CADPS: variants seen among roughly 807,000 people sequenced by gnomAD.
CADPS encodes the protein calcium-dependent secretion activator 1.
CADPS carries 57 observed loss-of-function variants against 167.3 expected under a neutral mutation model. The ratio of observed to expected loss-of-function variants is 0.34; its 90% CI spans 0.28 to 0.42. CADPS has a LOEUF of 0.42. Among genes scored for constraint, CADPS ranks in the 20% least tolerant of loss-of-function variants. The pLI is 1.00. For synonymous variants in CADPS, 676 were observed against 635.3 expected, an observed-to-expected ratio of 1.06 and a Z score of -0.96; for missense variants, 1,414 against 1,738.1, an observed-to-expected ratio of 0.81 and a Z score of 3.32.
intron 1 of CADPS, among the ~76,000 whole-genome samples, chr3:62,857,556 T>A (rs1317978931): frequency 6.6e-6 from 1 of 152,086 alleles, no homozygotes; most frequent in African/African-American, 2.4e-5. Context: ...ACATGGTTTT[T>A]CATATTTACT....
chr3:62,516,012 G>A, intron 16 of CADPS, 47 bp downstream of exon 16: 2 of 1,609,240 alleles, frequency 1.2e-6, no homozygotes, highest in East Asian at 2.2e-5. Flanking sequence ...CCCCAGGGAG[G>A]CATATCAAAA....
intron 3 of CADPS, among the ~76,000 whole-genome samples, chr3:62,735,407 A>G (rs914141980): frequency 3.9e-5 from 6 of 152,136 alleles, no homozygotes; most frequent in Non-Finnish European, 8.8e-5. Context: ...AGGGAAGGAG[A>G]CTTCAACTGC....
intron 4 of CADPS, among the ~76,000 whole-genome samples, chr3:62,660,678 C>T (rs1033414888): frequency 6.6e-6 from 1 of 152,190 alleles, no homozygotes; most frequent in Non-Finnish European, 1.5e-5. Context: ...CCCACCCTCC[C>T]TGCTGTTTCT....
chr3:62,568,486 G>C (rs1209575750), intron 9 of CADPS, among the ~76,000 whole-genome samples: 2 of 152,180 alleles, frequency 1.3e-5, no homozygotes, highest in African/African-American at 4.8e-5. Flanking sequence ...TAATGCCCTT[G>C]GGCATCAGAC....
intron 7 of CADPS, among the ~76,000 whole-genome samples, chr3:62,589,574 C>G (rs1419337101): frequency 6.6e-6 from 1 of 152,210 alleles, no homozygotes; most frequent in East Asian, 1.9e-4. Context: ...ACTGAACCCT[C>G]TGGGCGTCAG....
rs1418278777 is a variant in CADPS at position 62,532,926 on chromosome 3, G to T, written c.2236C>A (p.Pro746Thr). 1.2e-6 allele frequency: 2 copies of T among 1,613,716 alleles called. No individual in the cohort carries two copies. The highest frequency in any genetic ancestry group is 1.7e-6 in the Non-Finnish European group (2 of 1,179,806). The change falls in exon 13 of 30, where the codon CCC becomes ACC. Residue 746 changes from proline to threonine, a missense_variant. Physicochemically the swap from Pro to Thr is conservative, Grantham distance 38. Coordinates refer to ENST00000383710, the MANE Select transcript of CADPS (RefSeq NM_003716.4). ...GCAAAGCTGTAGTGAAGAAGGGTGGGGTCGATCATGGCGCCATTTTCTGCC... is the reference window on the plus strand; with the variant it reads ...GCAAAGCTGTAGTGAAGAAGGGTGGTGTCGATCATGGCGCCATTTTCTGCC... ...ERAENGAMID[P>T]TLLHYSFAFC...
chr3:62,765,189 C>T (rs2086530245), intron 2 of CADPS, among the ~76,000 whole-genome samples: 1 of 151,998 alleles, frequency 6.6e-6, no homozygotes, highest in Non-Finnish European at 1.5e-5. Context: ...GAAATAATAG[C>T]CAATATGCAC....
chr3:62,474,040 G>T, intron 24 of CADPS, 133 bp downstream of exon 24: 1 of 610,412 alleles, frequency 1.6e-6, no homozygotes, highest in Non-Finnish European at 2.7e-6. Context: ...CTCATCCATG[G>T]CTTAATCCAC....
At chr3:62,819,407 CGTGTGTGTGTGTGTGTGTGTGTGTGTGT>C (rs3047244) in intron 1 of CADPS, among the ~76,000 whole-genome samples, 1 of 143,986 alleles carries the variant, frequency 6.9e-6, no homozygotes, top group Non-Finnish European at 1.5e-5. Flanking sequence ...AATCTGTGTG[CGTGTGTGTGTGTGTGTGTGTGTGTGTGT>C]GTGTGTGTGT....
In CADPS at chr3:62,420,861, A is replaced by AAC. The variant is rs775850925; in HGVS notation, c.3777+17241_3777+17242dup. ...TTTTCTCTTTATGGGAGGGAGAACG[A>AAC]ACACACACACACACACACACACACA... On this transcript the variant is annotated intron_variant, in intron 28 of 29. Coordinates refer to ENST00000383710, the MANE Select transcript of CADPS (RefSeq NM_003716.4). This position sits in a 1 kb window ranked among gnomAD's most constrained non-coding sequence, Gnocchi z 4.1. Among the ~76,000 whole-genome samples, 18,439 of 133,760 alleles carry AAC rather than the reference A, an allele frequency of 0.14. 1,189 individuals are homozygous for AAC. The highest frequency in any genetic ancestry group is 0.17 in the South Asian group (692 of 4,000). 87.8% of individuals were successfully genotyped at this position (133,760 alleles called of 152,430 possible).
intron 3 of CADPS, among the ~76,000 whole-genome samples, chr3:62,750,736 C>A (rs747731037): frequency 4.1e-4 from 63 of 152,298 alleles, no homozygotes; most frequent in Non-Finnish European, 2.4e-4. Context: ...TGGGACTGTG[C>A]CTGCATATTG....
chr3:62,525,538 T>C (rs2071862488), intron 13 of CADPS, among the ~76,000 whole-genome samples: 1 of 152,160 alleles, frequency 6.6e-6, no homozygotes, highest in Non-Finnish European at 1.5e-5. Context: ...GTGGAGGTGT[T>C]TTTTATACCG....
At chr3:62,547,336 G>A (rs2076607647) in intron 11 of CADPS, among the ~76,000 whole-genome samples, 1 of 152,176 alleles carries the variant, frequency 6.6e-6, no homozygotes, top group Admixed American at 6.5e-5. Flanking sequence ...TTGTGTATGT[G>A]CAAGGTGTTT....
At chr3:62,586,651 T>C (rs1240397781) in intron 7 of CADPS, among the ~76,000 whole-genome samples, 1 of 152,234 alleles carries the variant, frequency 6.6e-6, no homozygotes, top group East Asian at 1.9e-4. Context: ...TTTCAAGTCT[T>C]CCCACTGTCT....
At chr3:62,691,186 G>C (rs563621027) in intron 3 of CADPS, among the ~76,000 whole-genome samples, 1 of 151,992 alleles carries the variant, frequency 6.6e-6, no homozygotes, top group African/African-American at 2.4e-5. Flanking sequence ...TGATGAAAAG[G>C]CAGAGAACAG....
chr3:62,871,866 T>C (rs1560030784), intron 1 of CADPS, among the ~76,000 whole-genome samples: 2 of 152,166 alleles, frequency 1.3e-5, no homozygotes, highest in Non-Finnish European at 2.9e-5. Flanking sequence ...CTCTGTACCG[T>C]ATATCAATTT....
At chr3:62,508,533 A>G (rs1033356154) in intron 17 of CADPS, among the ~76,000 whole-genome samples, 1 of 152,230 alleles carries the variant, frequency 6.6e-6, no homozygotes, top group Non-Finnish European at 1.5e-5. Flanking sequence ...GCATGAATGC[A>G]TAAGTTCTTA....
intron 1 of CADPS, among the ~76,000 whole-genome samples, chr3:62,784,023 G>T (rs1281615296): frequency 2.6e-5 from 4 of 152,138 alleles, no homozygotes; most frequent in African/African-American, 4.8e-5. Context: ...CTTAACCAGG[G>T]TTCCTTGGAG....
intron 2 of CADPS, among the ~76,000 whole-genome samples, chr3:62,761,228 C>T (rs2085326741): frequency 6.6e-6 from 1 of 152,118 alleles, no homozygotes; most frequent in South Asian, 2.1e-4. Context: ...GTTGCTTCTG[C>T]TGTTGTTATG....
Sources: gnomAD v4.1 joint callset for allele counts (sites outside exome capture counted in the v4.1 genomes callset) on GRCh38, gnomAD v4.1.1 for gene constraint, Gnocchi (gnomAD v3.1) non-coding constraint, MANE v1.5 for transcripts, NCBI Gene and HGNC (gene_info 2026-07-23, HGNC 2026-07-21) for gene names.